FAM168A: variants seen among roughly 807,000 people sequenced by gnomAD.
FAM168A encodes the protein protein FAM168A.
Under a neutral mutation model 28.5 loss-of-function variants are expected in FAM168A, and 3 were observed. That is an observed-to-expected ratio of 0.11 (90% CI 0.05 to 0.27). The LOEUF is 0.27. FAM168A is among the 10% of genes least tolerant of loss of function. FAM168A has a pLI of 1.00. For synonymous variants in FAM168A, 122 were observed against 124.2 expected, an observed-to-expected ratio of 0.98 and a Z score of 0.12; for missense variants, 222 against 311.5, an observed-to-expected ratio of 0.71 and a Z score of 2.16.
intron 1 of FAM168A, among the ~76,000 whole-genome samples, chr11:73,588,091 G>A (rs200903886): frequency 1.3e-5 from 2 of 152,058 alleles, no homozygotes; most frequent in South Asian, 2.1e-4. Context: ...TACAAGAATT[G>A]TCTCAAAGAA....
At chr11:73,594,990 G>A (rs1944427868) in intron 1 of FAM168A, among the ~76,000 whole-genome samples, 1 of 152,060 alleles carries the variant, frequency 6.6e-6, no homozygotes, top group African/African-American at 2.4e-5. Context: ...CAAGATATCG[G>A]GAGGATCAAA....
At chr11:73,494,084 C>A (rs1019857606) in intron 1 of FAM168A, among the ~76,000 whole-genome samples, 1 of 151,970 alleles carries the variant, frequency 6.6e-6, no homozygotes, top group Non-Finnish European at 1.5e-5. Flanking sequence ...CCAAGAACAC[C>A]AAGACATGTA....
intron 3 of FAM168A, among the ~76,000 whole-genome samples, chr11:73,423,161 T>C (rs1037112446): frequency 2.0e-5 from 3 of 152,208 alleles, no homozygotes; most frequent in Non-Finnish European, 4.4e-5. Context: ...TCACCCAGTC[T>C]TATAGTTTCT....
chr11:73,426,796 G>T (rs928956719), intron 3 of FAM168A, among the ~76,000 whole-genome samples: 4 of 151,654 alleles, frequency 2.6e-5, no homozygotes, highest in African/African-American at 7.3e-5. Flanking sequence ...CAAAGTTAGT[G>T]CTACAATCTA....
intron 1 of FAM168A, among the ~76,000 whole-genome samples, chr11:73,514,464 C>CT (rs1452344652): frequency 3.3e-5 from 5 of 152,130 alleles, no homozygotes; most frequent in African/African-American, 1.2e-4. Flanking sequence ...TTAGAAAGAA[C>CT]AGTTAATTGT....
At chr11:73,442,705 C>T (rs1014482715) in intron 2 of FAM168A, among the ~76,000 whole-genome samples, 5 of 151,920 alleles carry the variant, frequency 3.3e-5, no homozygotes, top group Admixed American at 2.0e-4. Flanking sequence ...GCCTAGCACA[C>T]TGTCTATCCT....
intron 3 of FAM168A, among the ~76,000 whole-genome samples, chr11:73,428,588 G>C (rs960084287): frequency 6.6e-6 from 1 of 152,160 alleles, no homozygotes; most frequent in Non-Finnish European, 1.5e-5. Flanking sequence ...TCAATTCACA[G>C]ATCTCATAGC....
chr11:73,521,102 C>T (rs1340214318), intron 1 of FAM168A, among the ~76,000 whole-genome samples: 2 of 152,146 alleles, frequency 1.3e-5, no homozygotes, highest in Admixed American at 6.5e-5. Context: ...AATATATGTG[C>T]TATCATTTTA....
chr11:73,422,468 T>C (rs1866810681), intron 3 of FAM168A, among the ~76,000 whole-genome samples: 1 of 152,180 alleles, frequency 6.6e-6, no homozygotes, highest in South Asian at 2.1e-4. Context: ...TCCCCATTAG[T>C]TAGTTGTACC....
chr11:73,434,149 G>C (rs1250918229), intron 2 of FAM168A, among the ~76,000 whole-genome samples: 1 of 148,708 alleles, frequency 6.7e-6, no homozygotes, highest in East Asian at 2.0e-4. Context: ...TGGCCAGGTA[G>C]GCCTATTTTT....
chr11:73,596,888 T>C (rs1260106287), intron 1 of FAM168A, among the ~76,000 whole-genome samples: 1 of 152,044 alleles, frequency 6.6e-6, no homozygotes, highest in Non-Finnish European at 1.5e-5. Flanking sequence ...CCGAAAGTCC[T>C]TCTCCAAAAC....
At chr11:73,479,219 C>T (rs573851157) in intron 1 of FAM168A, among the ~76,000 whole-genome samples, 7 of 152,258 alleles carry the variant, frequency 4.6e-5, no homozygotes, top group South Asian at 4.1e-4. Flanking sequence ...GTAGAAACAA[C>T]CTTGATTTCA....
At chr11:73,440,343 CAA>C (rs1867170992) in intron 2 of FAM168A, among the ~76,000 whole-genome samples, 1 of 152,096 alleles carries the variant, frequency 6.6e-6, no homozygotes, top group Non-Finnish European at 1.5e-5. Flanking sequence ...CTAGAAAGAC[CAA>C]AGACTTTAAA....
intron 1 of FAM168A, among the ~76,000 whole-genome samples, chr11:73,551,752 A>T (rs1383975353): frequency 6.6e-6 from 1 of 152,222 alleles, no homozygotes; most frequent in Admixed American, 6.5e-5. Context: ...GCAAATTGAC[A>T]TTTTTTAATT....
intron 1 of FAM168A, among the ~76,000 whole-genome samples, chr11:73,592,222 G>C (rs968496644): frequency 6.6e-6 from 1 of 152,196 alleles, no homozygotes; most frequent in Admixed American, 6.5e-5. Context: ...ATTCTGAAAG[G>C]ACCCAGACAC....
intron 1 of FAM168A, among the ~76,000 whole-genome samples, chr11:73,537,628 A>C (rs60860405): frequency 0.21 from 31,485 of 152,054 alleles, 5,391 homozygotes; most frequent in African/African-American, 0.48. Context: ...TTCTAAGAGA[A>C]CAGTGACTAC....
intron 1 of FAM168A, among the ~76,000 whole-genome samples, chr11:73,529,752 C>T (rs1044110637): frequency 2.6e-5 from 4 of 151,558 alleles, no homozygotes; most frequent in African/African-American, 9.7e-5. Flanking sequence ...ACCTAACTTT[C>T]CCTATCTTCA....
chr11:73,409,458 A>T (rs1398295049), intron 6 of FAM168A, 29 bp downstream of exon 6: 1 of 1,611,868 alleles, frequency 6.2e-7, no homozygotes, highest in South Asian at 1.1e-5. Flanking sequence ...GAGGAAAGGG[A>T]TGGACACTGA....
At chr11:73,499,937 G>A (rs192581550) in intron 1 of FAM168A, among the ~76,000 whole-genome samples, 3 of 152,198 alleles carry the variant, frequency 2.0e-5, no homozygotes, top group Admixed American at 6.5e-5. Context: ...GAAACAAGCT[G>A]GAAAACACAC....
Sources: gnomAD v4.1 joint callset for allele counts (sites outside exome capture counted in the v4.1 genomes callset) on GRCh38, gnomAD v4.1.1 for gene constraint, MANE v1.5 for transcripts, NCBI Gene and HGNC (gene_info 2026-07-23, HGNC 2026-07-21) for gene names.